Variants in ABCC2 observed in about 807,000 individuals in gnomAD.
The protein encoded by ABCC2 is ATP-binding cassette sub-family C member 2.
In ABCC2, 157 loss-of-function variants were observed where a neutral mutation model predicts 173.4. The ratio of observed to expected loss-of-function variants is 0.91; its 90% CI spans 0.80 to 1.03. The LOEUF (loss-of-function observed/expected upper bound fraction) is 1.03, where lower values mean the gene tolerates loss of function less well. Ranked by LOEUF, ABCC2 falls within the 50% of genes least tolerant of loss-of-function variation. ABCC2 has a pLI of 0.00. For missense variants in ABCC2, 1,822 were observed against 1,852.3 expected (o/e 0.98, Z 0.30); for synonymous variants, 657 against 693.5 (o/e 0.95, Z 0.83).
chr10:99,830,625 C>A, intron 20 of ABCC2, 91 bp from the exon 21 acceptor site: 1 of 1,596,098 alleles, frequency 6.3e-7, no homozygotes, highest in Non-Finnish European at 8.6e-7. Flanking sequence ...CCCTGAAATG[C>A]GCTTTGATGC....
Position 99,836,355 on chromosome 10 carries a change from G to A in ABCC2, c.3614+65G>A, listed in dbSNP as rs114782123. On this transcript the variant is annotated intron_variant, in intron 25 of 31. Transcript: ENST00000647814. The stretch of plus-strand genomic sequence containing the variant: ...GGGGTTCTATATGTTTGATATTAGC[G>A]GTGGGAGGGCAGGCATGGCTAGTGG... 1,218 of 1,535,858 alleles carry A rather than the reference G, an allele frequency of 7.9e-4. 10 individuals carry two copies. In the African/African-American group the frequency reaches 0.012, roughly 15 times the overall value.
At chr10:99,812,086 C>T (rs1318411931) in intron 15 of ABCC2, among the ~76,000 whole-genome samples, 1 of 152,218 alleles carries the variant, frequency 6.6e-6, no homozygotes, top group Non-Finnish European at 1.5e-5. Context: ...CTGAGCACAG[C>T]ACACAGAGTA....
intron 2 of ABCC2, among the ~76,000 whole-genome samples, chr10:99,786,955 TCA>T (rs2037721891): frequency 6.7e-6 from 1 of 149,808 alleles, no homozygotes. Flanking sequence ...TGAGCTGAGA[TCA>T]TGCCACTGCA....
chr10:99,799,499 C>G, intron 8 of ABCC2, 129 bp downstream of exon 8: 1 of 1,110,866 alleles, frequency 9.0e-7, no homozygotes, highest in Non-Finnish European at 1.4e-6. Flanking sequence ...TTTCTTCCAC[C>G]TTAACCTTAC....
chr10:99,836,432 A>G (rs2038825770), intron 25 of ABCC2, 142 bp downstream of exon 25: 6 of 921,686 alleles, frequency 6.5e-6, no homozygotes, highest in Admixed American at 4.0e-5. Context: ...AGTGGAGAGA[A>G]GAAAGCATGA....
chr10:99,807,497 C>A lies in ABCC2; in HGVS notation c.1644C>A (p.Phe548Leu), dbSNP rs758091787. The change falls in exon 12 of 32, where the codon TTC becomes TTA. Residue 548 changes from phenylalanine to leucine, a missense_variant. Physicochemically the swap from Phe to Leu is conservative, Grantham distance 22. Transcript: ENST00000647814. The part of the protein sequence containing the change: ...AFSQLQCVVI[F>L]VFQLTPVLVS... ...GTCAACTACAGTGTGTAGTAATATT[C>A]GTCTTCCAGTTAACTCCAGTCCTGG... 2.4e-5 allele frequency: 38 copies of A among 1,613,996 alleles called. 1 individual carries two copies. The Middle Eastern group carries it at 4.9e-4, about 21-fold the overall frequency.
Position 99,800,393 on chromosome 10 carries a change from A to G in ABCC2, c.1039A>G (p.Ile347Val), listed in dbSNP as rs2133002635. ...TTGGCTTTTCTCTGGCAGATTGCTG[A>G]TCTCCTTTGCAAGTGACCGTGACAC... ...FVSPQLLKLL[I>V]SFASDRDTYL... Residue 347 changes from isoleucine (I) to valine (V), a missense_variant, in exon 9 of 32, where the codon ATC becomes GTC. By Grantham distance (29) the Ile-to-Val change is conservative. Transcript: ENST00000647814. 6 of 1,614,108 alleles carry G rather than the reference A, an allele frequency of 3.7e-6. No individual in the cohort carries two copies. The Middle Eastern group carries it at 4.9e-4, about 133-fold the overall frequency.
At chr10:99,799,123 G>T in intron 7 of ABCC2, 84 bp from the exon 8 acceptor site, 2 of 1,503,462 alleles carry the variant, frequency 1.3e-6, no homozygotes, top group East Asian at 2.3e-5. Context: ...AAGGCCACGG[G>T]GCTCACAGGC....
At chr10:99,816,471 A>G (rs1032697238) in intron 16 of ABCC2, among the ~76,000 whole-genome samples, 55 of 151,644 alleles carry the variant, frequency 3.6e-4, no homozygotes, top group Non-Finnish European at 3.1e-4. Context: ...TTTAGCAGAG[A>G]TGGGGTTTTG....
At chr10:99,839,592 G>A (rs1449887213) in intron 25 of ABCC2, among the ~76,000 whole-genome samples, 1 of 48,898 alleles carries the variant, frequency 2.0e-5, no homozygotes. Context: ...TCCCGGACGG[G>A]GTGGCTGCCG....
intron 16 of ABCC2, among the ~76,000 whole-genome samples, chr10:99,814,986 ACTTT>A (rs2038380730): frequency 7.0e-6 from 1 of 142,028 alleles, no homozygotes; most frequent in East Asian, 2.1e-4. Flanking sequence ...TTTTTTTTTT[ACTTT>A]AAGTTCCAGG....
At chr10:99,840,453 G>C (rs2038919146) in intron 25 of ABCC2, among the ~76,000 whole-genome samples, 2 of 147,602 alleles carry the variant, frequency 1.4e-5, no homozygotes, top group Admixed American at 6.7e-5. Context: ...GACCCTTCTG[G>C]GGCCTCCGGC....
intron 24 of ABCC2, among the ~76,000 whole-genome samples, chr10:99,835,366 C>T (rs751219225): frequency 2.6e-5 from 4 of 152,084 alleles, no homozygotes; most frequent in Non-Finnish European, 5.9e-5. Flanking sequence ...TTGGAGGGAA[C>T]ATCTGTATGT....
At chr10:99,821,299 C>T (rs528798585) in intron 19 of ABCC2, among the ~76,000 whole-genome samples, 18 of 152,290 alleles carry the variant, frequency 1.2e-4, no homozygotes, top group Non-Finnish European at 1.8e-4. Flanking sequence ...TGCCCAGGAA[C>T]GGGCAGGAGA....
At chr10:99,807,282 C>T in intron 11 of ABCC2, 102 bp from the exon 12 acceptor site, 1 of 1,451,186 alleles carries the variant, frequency 6.9e-7, no homozygotes, top group Non-Finnish European at 9.7e-7. Context: ...ATTTCTATTC[C>T]CCACATTTTG....
chr10:99,787,988 T>C (rs759249816), intron 2 of ABCC2, among the ~76,000 whole-genome samples: 2 of 151,854 alleles, frequency 1.3e-5, no homozygotes, highest in Non-Finnish European at 2.9e-5. Flanking sequence ...ACTTGACAAG[T>C]TCAAGGAGGT....
chr10:99,810,064 A>G (rs1018959972), intron 13 of ABCC2, 70 bp from the exon 14 acceptor site: 1 of 1,456,698 alleles, frequency 6.9e-7, no homozygotes, highest in Non-Finnish European at 9.6e-7. Context: ...GACTAACGAC[A>G]AAGTCAAAAT....
chr10:99,787,359 T>G (rs10786571), intron 2 of ABCC2, among the ~76,000 whole-genome samples: 88,094 of 151,986 alleles, frequency 0.58, 25,816 homozygotes, highest in East Asian at 0.77. Context: ...TATAATATGG[T>G]TCTTTTTTGA....
Position 99,797,154 on chromosome 10 carries a change from T to G in ABCC2, c.690T>G (p.Asp230Glu). The G allele has an allele frequency of 6.2e-7, 1 of 1,614,094 alleles. No homozygotes were observed. Among genetic ancestry groups the G allele is most frequent in the Non-Finnish European group, 8.5e-7 (1 of 1,179,996 alleles). Reference protein sequence around the residue: ...PLTLEDVWEVDEEMKTKTLVS... With the variant: ...PLTLEDVWEVEEEMKTKTLVS... ...CACTCGAGGATGTCTGGGAAGTTGATGAAGAGATGAAAACCAAGACATTAG... is the reference window on the plus strand; with the variant it reads ...CACTCGAGGATGTCTGGGAAGTTGAGGAAGAGATGAAAACCAAGACATTAG... The change falls in exon 7 of 32, where the codon GAT becomes GAG. Residue 230 changes from aspartate to glutamate, a missense_variant. Asp to Glu is a conservative substitution (Grantham distance 45). Coordinates refer to ENST00000647814, the MANE Select transcript of ABCC2 (RefSeq NM_000392.5).
Sources: allele counts gnomAD v4.1 joint callset (sites outside exome capture counted in the v4.1 genomes callset), GRCh38; gene constraint gnomAD v4.1.1; transcripts MANE v1.5; gene names NCBI Gene and HGNC (gene_info 2026-07-23, HGNC 2026-07-21).